The following OXR1 variants were observed in gnomAD, a reference collection of about 807,000 sequenced individuals.
The protein encoded by OXR1 is oxidation resistance protein 1.
In OXR1, 41 loss-of-function variants were observed where a neutral mutation model predicts 104.6. The ratio of observed to expected loss-of-function variants is 0.39; its 90% CI spans 0.31 to 0.51. The LOEUF is 0.51. OXR1 is among the 20% of genes least tolerant of loss of function. The probability of loss-of-function intolerance (pLI) is 0.77; values close to 1 mark genes in which losing one functional copy is unlikely to be tolerated. For synonymous variants in OXR1, 348 were observed against 348.4 expected, an observed-to-expected ratio of 1.00 and a Z score of 0.01; for missense variants, 955 against 1,031.9, an observed-to-expected ratio of 0.93 and a Z score of 1.02.
At chr8:106,377,019 G>A (rs1269662450) in intron 2 of OXR1, among the ~76,000 whole-genome samples, 1 of 152,004 alleles carries the variant, frequency 6.6e-6, no homozygotes, top group Non-Finnish European at 1.5e-5. Flanking sequence ...TCCTAATTGT[G>A]TTCCACAGAA....
chr8:106,700,016 G>A (rs1314873167), intron 7 of OXR1, among the ~76,000 whole-genome samples: 1 of 151,946 alleles, frequency 6.6e-6, no homozygotes, highest in Non-Finnish European at 1.5e-5. Flanking sequence ...AATGTAAGTG[G>A]TAATTTTTCT....
chr8:106,739,349 T>C, intron 12 of OXR1, 109 bp from the exon 13 acceptor site: 1 of 975,204 alleles, frequency 1.0e-6, no homozygotes. Context: ...AGGTTAAAGA[T>C]TTAGCCACAT....
chr8:106,551,827 C>CATAT (rs56997959), intron 3 of OXR1, among the ~76,000 whole-genome samples: 5,903 of 141,680 alleles, frequency 0.042, 283 homozygotes, highest in African/African-American at 0.12. Flanking sequence ...CACACACACA[C>CATAT]ATATATATAT....
chr8:106,276,768 AAAAAG>A (rs1430479315), intron 1 of OXR1, among the ~76,000 whole-genome samples: 3 of 151,920 alleles, frequency 2.0e-5, no homozygotes, highest in Admixed American at 6.6e-5. Context: ...AAAAAAAAAA[AAAAAG>A]GTAACTGATG....
chr8:106,372,950 T>C (rs993217541), intron 2 of OXR1, among the ~76,000 whole-genome samples: 1 of 152,226 alleles, frequency 6.6e-6, no homozygotes, highest in Non-Finnish European at 1.5e-5. Flanking sequence ...TCGATATCCA[T>C]GAGTTCCATA....
chr8:106,406,940 A>T (rs1001984287), intron 2 of OXR1, among the ~76,000 whole-genome samples: 2 of 151,386 alleles, frequency 1.3e-5, no homozygotes, highest in African/African-American at 4.9e-5. Context: ...TGTTAAAAGT[A>T]ATAGCAAAAC....
intron 11 of OXR1, among the ~76,000 whole-genome samples, chr8:106,730,886 A>T (rs532235495): frequency 6.6e-6 from 1 of 152,210 alleles, no homozygotes; most frequent in African/African-American, 2.4e-5. Context: ...GTCTTTAAAA[A>T]AAAAAAGAAA....
chr8:106,695,900 C>CT (rs1245085791), intron 7 of OXR1, among the ~76,000 whole-genome samples: 2 of 152,002 alleles, frequency 1.3e-5, no homozygotes, highest in Non-Finnish European at 2.9e-5. Flanking sequence ...TATTTATACT[C>CT]TCCCCCTTTC....
intron 2 of OXR1, among the ~76,000 whole-genome samples, chr8:106,453,591 C>T (rs975532072): frequency 6.6e-6 from 1 of 152,212 alleles, no homozygotes; most frequent in Admixed American, 6.5e-5. Context: ...CCACCAGTTC[C>T]TTTTCCTGCC....
intron 4 of OXR1, among the ~76,000 whole-genome samples, chr8:106,682,265 CTTTTTTTTTT>C (rs760684524): frequency 8.5e-6 from 1 of 117,886 alleles, no homozygotes; most frequent in Admixed American, 8.8e-5. Context: ...AGAGCTCTCT[CTTTTTTTTTT>C]TTTTTTTTTT....
chr8:106,559,906 C>T (rs28710191), intron 3 of OXR1, among the ~76,000 whole-genome samples: 4,844 of 152,182 alleles, frequency 0.032, 257 homozygotes, highest in African/African-American at 0.11. Context: ...AAAACATATT[C>T]AGCATTTCAA....
intron 2 of OXR1, among the ~76,000 whole-genome samples, chr8:106,414,410 T>A (rs992338211): frequency 6.6e-6 from 1 of 152,152 alleles, no homozygotes; most frequent in Non-Finnish European, 1.5e-5. Flanking sequence ...TTTTCTACAC[T>A]GTCTCAGGCA....
At chr8:106,556,493 T>C (rs1353130671) in intron 3 of OXR1, among the ~76,000 whole-genome samples, 1 of 152,150 alleles carries the variant, frequency 6.6e-6, no homozygotes, top group Non-Finnish European at 1.5e-5. Context: ...AAATGAATCC[T>C]GCCTCTGCCT....
intron 8 of OXR1, among the ~76,000 whole-genome samples, chr8:106,704,538 C>T (rs1341645144): frequency 6.6e-6 from 1 of 150,916 alleles, no homozygotes; most frequent in Non-Finnish European, 1.5e-5. Flanking sequence ...GCTGAGAATA[C>T]AGACACCTGC....
chr8:106,476,166 CT>C (rs1460575830), intron 2 of OXR1, among the ~76,000 whole-genome samples: 1 of 151,760 alleles, frequency 6.6e-6, no homozygotes, highest in Non-Finnish European at 1.5e-5. Context: ...TTTAAAGGTC[CT>C]TATGACCTTC....
chr8:106,570,054 C>T (rs1817363780), intron 3 of OXR1, among the ~76,000 whole-genome samples: 1 of 152,154 alleles, frequency 6.6e-6, no homozygotes, highest in South Asian at 2.1e-4. Flanking sequence ...AGCTTTGATG[C>T]TTTGATCTGA....
intron 2 of OXR1, among the ~76,000 whole-genome samples, chr8:106,369,273 G>T (rs1333021587): frequency 6.6e-6 from 1 of 152,100 alleles, no homozygotes; most frequent in East Asian, 1.9e-4. Context: ...ATATGTTTAA[G>T]TTCCTTGTAA....
chr8:106,355,756 T>C (rs1223326950), intron 1 of OXR1, among the ~76,000 whole-genome samples: 2 of 152,136 alleles, frequency 1.3e-5, no homozygotes, highest in Non-Finnish European at 2.9e-5. Flanking sequence ...CTTTAATATT[T>C]ATTTCATTTT....
intron 3 of OXR1, among the ~76,000 whole-genome samples, chr8:106,603,439 A>G (rs928886503): frequency 6.6e-6 from 1 of 152,202 alleles, no homozygotes; most frequent in South Asian, 2.1e-4. Flanking sequence ...TGTATTTTTT[A>G]AATGGTATAT....
Sources: allele counts gnomAD v4.1 joint callset (sites outside exome capture counted in the v4.1 genomes callset), GRCh38; gene constraint gnomAD v4.1.1; transcripts MANE v1.5; gene names NCBI Gene and HGNC (gene_info 2026-07-23, HGNC 2026-07-21).